Variants in CAPNS1 observed in about 807,000 individuals in gnomAD.
The protein encoded by CAPNS1 is calpain small subunit 1.
CAPNS1 carries 32 observed loss-of-function variants against 39.2 expected under a neutral mutation model. The ratio of observed to expected loss-of-function variants is 0.82; its 90% confidence interval spans 0.62 to 1.10. The LOEUF (loss-of-function observed/expected upper bound fraction) is 1.10. CAPNS1 is among the 50% of genes least tolerant of loss of function. The pLI is 0.00. For synonymous variants in CAPNS1, 153 were observed against 136.2 expected, an observed-to-expected ratio of 1.12 and a Z score of -0.86; for missense variants, 353 against 373.1, an observed-to-expected ratio of 0.95 and a Z score of 0.44.
intron 1 of CAPNS1, 72 bp from the exon 2 acceptor site, chr19:36,140,925 G>T: frequency 6.4e-7 from 1 of 1,572,496 alleles, no homozygotes; most frequent in Non-Finnish European, 8.6e-7. Flanking sequence ...TCCAGCTGCC[G>T]GAAATGCGTG....
intron 1 of CAPNS1, 119 bp from the exon 2 acceptor site, chr19:36,140,878 T>C: frequency 6.7e-7 from 1 of 1,500,928 alleles, no homozygotes; most frequent in Non-Finnish European, 9.0e-7. Context: ...CCTCGCAAAC[T>C]CAGACCCCCA....
rs778415980 is a variant in CAPNS1 at position 36,146,250 on chromosome 19, A to G, written c.659A>G (p.Glu220Gly). The change falls in exon 9 of 11, where the codon GAA becomes GGA. Residue 220 changes from glutamate to glycine, a missense_variant. Glu to Gly is a moderately conservative substitution (Grantham distance 98). Transcript: ENST00000246533. Reference sequence around the variant, plus strand: ...ATGATCATCCGACGCTACTCAGATGAAAGTGGGAACATGGATTTTGACAAC... The same window carrying G: ...ATGATCATCCGACGCTACTCAGATGGAAGTGGGAACATGGATTTTGACAAC... ...YNMIIRRYSDESGNMDFDNFI... is the reference protein window; with the variant it reads ...YNMIIRRYSDGSGNMDFDNFI... 1 of 1,614,152 alleles carries G rather than the reference A, an allele frequency of 6.2e-7. No homozygotes were observed. Among genetic ancestry groups the G allele is most frequent in the Non-Finnish European group, 8.5e-7 (1 of 1,179,980 alleles).
chr19:36,146,370 A>G, intron 9 of CAPNS1, 58 bp downstream of exon 9: 2 of 1,099,658 alleles, frequency 1.8e-6, no homozygotes, highest in South Asian at 2.5e-5. Flanking sequence ...CTATGGACCA[A>G]GGTCTCCTCT....
At position 36,141,038 on chromosome 19, in the gene CAPNS1, G is replaced by GGGCGGCGGC. The variant is rs747214647; in HGVS notation, c.39_47dup (p.Gly18_Gly20dup). The GGGCGGCGGC allele has an allele frequency of 3.2e-6, 5 of 1,539,672 alleles. No individual in the cohort carries two copies. Among genetic ancestry groups the GGGCGGCGGC allele is most frequent in the East Asian group, 5.1e-5 (2 of 39,264 alleles). ...TGTTCCTGGTTAACTCGTTCTTGAA[G>GGGCGGCGGC]GGCGGCGGCGGCGGCGGCGGGGGAG... On this transcript the variant is annotated inframe_insertion, in exon 2 of 11. Coordinates refer to ENST00000246533, the MANE Select transcript of CAPNS1 (RefSeq NM_001749.4).
chr19:36,143,647 A>G (rs13347141), intron 6 of CAPNS1, among the ~76,000 whole-genome samples: 48,124 of 138,112 alleles, frequency 0.35, 7,812 homozygotes, highest in South Asian at 0.44. Context: ...GGATCACGAG[A>G]TCAGGAGATT....
At chr19:36,141,871 C>T (rs1974387148) in intron 2 of CAPNS1, among the ~76,000 whole-genome samples, 1 of 152,018 alleles carries the variant, frequency 6.6e-6, no homozygotes, top group Non-Finnish European at 1.5e-5. Context: ...GGAAGCGGGC[C>T]ATGGAGTAGG....
chr19:36,148,212 C>G (rs1229139666), intron 9 of CAPNS1: 1 of 151,692 alleles, frequency 6.6e-6, no homozygotes, highest in Non-Finnish European at 1.5e-5. Flanking sequence ...GTTGATGCCA[C>G]AAGTCACATA....
chr19:36,145,332 A>G, intron 6 of CAPNS1: 1 of 158,342 alleles, frequency 6.3e-6, no homozygotes, highest in Non-Finnish European at 1.4e-5. Flanking sequence ...AGCCTCCTGA[A>G]TAGCTGGGAT....
chr19:36,143,597 C>A (rs868272973), intron 6 of CAPNS1, among the ~76,000 whole-genome samples: 1 of 151,784 alleles, frequency 6.6e-6, no homozygotes, highest in Non-Finnish European at 1.5e-5. Context: ...CACGGTGGCT[C>A]ACACCTGTAA....
chr19:36,143,167 C>G, intron 6 of CAPNS1, 39 bp downstream of exon 6: 1 of 1,588,466 alleles, frequency 6.3e-7, no homozygotes, highest in Non-Finnish European at 8.6e-7. Flanking sequence ...CCTGGGTGGA[C>G]AGAGAGTTTT....
chr19:36,140,840 C>T, intron 1 of CAPNS1, 157 bp from the exon 2 acceptor site: 1 of 1,128,408 alleles, frequency 8.9e-7, no homozygotes, highest in Non-Finnish European at 1.2e-6. Flanking sequence ...TCCCCCATAC[C>T]TGCCCCACCC....
Position 36,149,842 on chromosome 19 carries a change from T to A in CAPNS1, c.*3T>A. 1 of 1,460,734 alleles carries A rather than the reference T, an allele frequency of 6.8e-7. No homozygotes were observed. 90.5% of individuals were successfully genotyped at this position (1,460,734 alleles called of 1,614,324 possible). ...TGCAGCTGACTATGTATTCCTGAAC[T>A]GGAGCCCCAGACCCGCCCCCTCACT... On this transcript the variant is annotated 3_prime_UTR_variant, in exon 11 of 11. Coordinates refer to ENST00000246533, the MANE Select transcript of CAPNS1 (RefSeq NM_001749.4).
chr19:36,141,490 T>C, intron 2 of CAPNS1: 1 of 1,243,456 alleles, frequency 8.0e-7, no homozygotes, highest in Non-Finnish European at 1.0e-6. Flanking sequence ...AGGGGACTGA[T>C]GTGGAGTTTT....
chr19:36,143,241 T>C, intron 6 of CAPNS1, 113 bp downstream of exon 6: 1 of 912,658 alleles, frequency 1.1e-6, no homozygotes, highest in South Asian at 1.3e-5. Context: ...AATGCATTCA[T>C]CAGAACACAG....
intron 6 of CAPNS1, chr19:36,145,526 C>T (rs776727227): frequency 6.7e-5 from 24 of 357,890 alleles, no homozygotes; most frequent in Non-Finnish European, 1.1e-4. Flanking sequence ...TCTGAATGAG[C>T]AATTAACAAC....
At chr19:36,145,195 T>TC (rs1740313187) in intron 6 of CAPNS1, among the ~76,000 whole-genome samples, 2 of 137,522 alleles carry the variant, frequency 1.5e-5, no homozygotes, top group South Asian at 4.6e-4. Context: ...GAATTTTCTT[T>TC]TCTTTCTCTT....
intron 2 of CAPNS1, among the ~76,000 whole-genome samples, chr19:36,142,028 A>G (rs1468948444): frequency 1.3e-5 from 2 of 152,110 alleles, no homozygotes; most frequent in African/African-American, 2.4e-5. Context: ...GAAATCTGCC[A>G]CTGGGTAGGT....
At position 36,142,869 on chromosome 19, in the gene CAPNS1, T is replaced by C. The variant is rs759454444; in HGVS notation, c.334-40T>C. The C allele has an allele frequency of 1.9e-5, 30 of 1,611,608 alleles. 1 individual carries two copies. Among genetic ancestry groups the C allele is most frequent in the Admixed American group, 6.7e-5 (4 of 59,992 alleles). On this transcript the variant is annotated intron_variant, in intron 4 of 10. Transcript: ENST00000246533. The stretch of plus-strand genomic sequence containing the variant: ...ATTCTCCATGACATTCTCAGACCCC[T>C]TTCAGTCACCCCTGACCTGCCCCTA...
rs1419563796 is a variant in CAPNS1, at chr19:36,143,616, C to G, written c.456+488C>G. Among the ~76,000 whole-genome samples, 4 of 151,564 alleles carry G rather than the reference C, an allele frequency of 2.6e-5. No individual in the cohort carries two copies. In the East Asian group the frequency reaches 7.8e-4, roughly 29 times the overall value. On this transcript the variant is annotated intron_variant, in intron 6 of 10. Coordinates refer to ENST00000246533, the MANE Select transcript of CAPNS1 (RefSeq NM_001749.4). ...GTGGCTCACACCTGTAATCCCAGCA[C>G]TTTGGGAGGCCGAGGCGGGCGGATC... is the stretch of plus-strand genomic sequence containing the variant.
Sources: gnomAD v4.1 joint callset for allele counts (sites outside exome capture counted in the v4.1 genomes callset) on GRCh38, gnomAD v4.1.1 for gene constraint, MANE v1.5 for transcripts, NCBI Gene and HGNC (gene_info 2026-07-23, HGNC 2026-07-21) for gene names.